Variants in NECAB1 observed in about 807,000 individuals in gnomAD.
NECAB1 encodes the protein N-terminal EF-hand calcium-binding protein 1.
A neutral mutation model predicts 57.5 loss-of-function variants in NECAB1; 29 were observed. The ratio of observed to expected loss-of-function variants is 0.50; its 90% confidence interval spans 0.38 to 0.69. The LOEUF (loss-of-function observed/expected upper bound fraction) is 0.69, where lower values mean the gene tolerates loss of function less well. Among genes scored for constraint, NECAB1 ranks in the 30% least tolerant of loss-of-function variants. The probability of loss-of-function intolerance (pLI) is 0.00; values close to 1 mark genes in which losing one functional copy is unlikely to be tolerated. For synonymous variants in NECAB1, 142 were observed against 147.7 expected, an observed-to-expected ratio of 0.96 and a Z score of 0.28; for missense variants, 372 against 413.8, an observed-to-expected ratio of 0.90 and a Z score of 0.88.
At chr8:90,808,587 C>A (rs768192947) in intron 2 of NECAB1, among the ~76,000 whole-genome samples, 37 of 145,380 alleles carry the variant, frequency 2.5e-4, no homozygotes, top group South Asian at 8.6e-4. Context: ...TTAGGAAGTT[C>A]TTAATAAGTG....
chr8:90,828,346 T>G (rs1051884825), intron 3 of NECAB1, among the ~76,000 whole-genome samples: 1 of 152,052 alleles, frequency 6.6e-6, no homozygotes, highest in African/African-American at 2.4e-5. Context: ...TTTAGTGCAT[T>G]TCAAAACCAA....
chr8:90,797,846 A>G (rs79756995), intron 1 of NECAB1, among the ~76,000 whole-genome samples: 1,796 of 152,360 alleles, frequency 0.012, 22 homozygotes, highest in Non-Finnish European at 0.016. Flanking sequence ...CAGAGACTCA[A>G]GGAGTGCTAT....
intron 5 of NECAB1, among the ~76,000 whole-genome samples, chr8:90,911,498 T>G (rs1809829788): frequency 6.6e-6 from 1 of 152,140 alleles, no homozygotes; most frequent in Admixed American, 6.6e-5. Flanking sequence ...TGGAAAAATT[T>G]TTGATAAATT....
chr8:90,925,486 G>A (rs945534162), intron 6 of NECAB1, 49 bp from the exon 7 acceptor site: 1 of 1,591,974 alleles, frequency 6.3e-7, no homozygotes, highest in African/African-American at 1.3e-5. Flanking sequence ...CCTGAAGGAA[G>A]AGACTGAAGC....
In NECAB1 at chr8:90,943,054, G is replaced by A. The variant is rs912727378; in HGVS notation, c.860+2156G>A. 2.0e-5 allele frequency among the ~76,000 whole-genome samples: 3 copies of A among 152,012 alleles called. No individual in the cohort carries two copies. The East Asian group carries it at 5.8e-4, about 29-fold the overall frequency. ...CATGTTTTATATTTATAAAAAAGGCGCACAAGTTTATTTTTTAGGTTCAGA... is the reference window on the plus strand; with the variant it reads ...CATGTTTTATATTTATAAAAAAGGCACACAAGTTTATTTTTTAGGTTCAGA... On this transcript the variant is annotated intron_variant, in intron 10 of 12. Coordinates refer to ENST00000417640, the MANE Select transcript of NECAB1 (RefSeq NM_022351.5).
intron 1 of NECAB1, among the ~76,000 whole-genome samples, chr8:90,793,031 G>T (rs986733468): frequency 3.3e-5 from 5 of 152,140 alleles, no homozygotes; most frequent in African/African-American, 1.2e-4. Flanking sequence ...TACGTGCTCT[G>T]TCCTTTACCC....
intron 2 of NECAB1, chr8:90,806,824 G>A (rs139756453): frequency 6.6e-5 from 10 of 152,290 alleles, no homozygotes; most frequent in Non-Finnish European, 1.3e-4. Context: ...ATCTCACCTA[G>A]TGATAATTGC....
intron 2 of NECAB1, among the ~76,000 whole-genome samples, chr8:90,820,341 A>G (rs552102654): frequency 6.6e-6 from 1 of 152,098 alleles, no homozygotes; most frequent in Non-Finnish European, 1.5e-5. Context: ...TATTGTTAGT[A>G]AGTTGTTTTA....
chr8:90,795,721 C>T (rs527888146), intron 1 of NECAB1, among the ~76,000 whole-genome samples: 1 of 151,926 alleles, frequency 6.6e-6, no homozygotes, highest in Non-Finnish European at 1.5e-5. Flanking sequence ...CACACACACA[C>T]ACACACACAC....
intron 10 of NECAB1, among the ~76,000 whole-genome samples, chr8:90,943,920 T>G (rs1250499687): frequency 2.6e-5 from 4 of 152,134 alleles, no homozygotes; most frequent in African/African-American, 9.7e-5. Context: ...TCTGGCTACT[T>G]TTTAAAAATT....
intron 5 of NECAB1, among the ~76,000 whole-genome samples, chr8:90,896,636 A>AACAAAC (rs752291497): frequency 6.7e-6 from 1 of 148,810 alleles, no homozygotes; most frequent in Non-Finnish European, 1.5e-5. Context: ...CAAAAACAAA[A>AACAAAC]AAAACAAACA....
At chr8:90,927,127 T>C (rs1323582553) in intron 7 of NECAB1, among the ~76,000 whole-genome samples, 1 of 152,040 alleles carries the variant, frequency 6.6e-6, no homozygotes, top group Non-Finnish European at 1.5e-5. Context: ...AAATATTGTA[T>C]TAGAATTTAA....
intron 10 of NECAB1, among the ~76,000 whole-genome samples, chr8:90,949,108 T>A (rs543201145): frequency 6.8e-4 from 102 of 151,016 alleles, no homozygotes; most frequent in Middle Eastern, 6.8e-3. Context: ...ATGGCCAGAA[T>A]ATGGACTCTC....
intron 4 of NECAB1, among the ~76,000 whole-genome samples, chr8:90,878,530 A>C (rs1020878066): frequency 6.6e-6 from 1 of 152,172 alleles, no homozygotes; most frequent in Admixed American, 6.5e-5. Context: ...AGCCTTAGTG[A>C]CACTGAGCTG....
At chr8:90,917,330 T>C (rs554447921) in intron 5 of NECAB1, among the ~76,000 whole-genome samples, 162 bp from the exon 6 acceptor site, 138 of 152,108 alleles carry the variant, frequency 9.1e-4, no homozygotes, top group Non-Finnish European at 1.5e-3. Context: ...TGGATGAGAG[T>C]GATGCTGTAG....
intron 3 of NECAB1, among the ~76,000 whole-genome samples, chr8:90,838,002 C>G (rs1054207907): frequency 1.3e-5 from 2 of 152,082 alleles, no homozygotes; most frequent in Non-Finnish European, 2.9e-5. Flanking sequence ...GTGTCTATGT[C>G]CTGGTTGGCT....
chr8:90,859,460 G>T (rs1328126549), intron 3 of NECAB1, among the ~76,000 whole-genome samples: 1 of 152,196 alleles, frequency 6.6e-6, no homozygotes, highest in Non-Finnish European at 1.5e-5. Context: ...ATGTAACTAT[G>T]TGTGCCAAAA....
intron 3 of NECAB1, among the ~76,000 whole-genome samples, chr8:90,857,892 G>T (rs921764371): frequency 6.6e-6 from 1 of 151,966 alleles, no homozygotes; most frequent in Non-Finnish European, 1.5e-5. Context: ...CAAAATATAG[G>T]TTTATGAAAA....
rs1809933716 is a variant in NECAB1 at position 90,915,678 on chromosome 8, CA to C, written c.358-1813del. ...CACATGATCACACAGTAAAGTCCCACATAGGCCCTCTGCAAGTTGAGGAGCA... is the reference window on the plus strand; with the variant it reads ...CACATGATCACACAGTAAAGTCCCACTAGGCCCTCTGCAAGTTGAGGAGCA... On this transcript the variant is annotated intron_variant, in intron 5 of 12. Transcript: ENST00000417640. Among the ~76,000 whole-genome samples the C allele has an allele frequency of 3.3e-5, 5 of 152,280 alleles. No homozygotes were observed. In the South Asian group the frequency reaches 1.0e-3, roughly 32 times the overall value.
Sources: gnomAD v4.1 joint callset for allele counts (sites outside exome capture counted in the v4.1 genomes callset) on GRCh38, gnomAD v4.1.1 for gene constraint, MANE v1.5 for transcripts, NCBI Gene and HGNC (gene_info 2026-07-23, HGNC 2026-07-21) for gene names.